Variants in BIN1 observed in about 807,000 individuals in gnomAD.
BIN1 encodes the protein bridging integrator 1.
Under a neutral mutation model 82.0 loss-of-function variants are expected in BIN1, and 53 were observed. The observed-to-expected ratio is 0.65, with a 90% confidence interval of 0.52 to 0.81. The LOEUF (loss-of-function observed/expected upper bound fraction) is 0.81, where lower values mean the gene tolerates loss of function less well. BIN1 is among the 40% of genes least tolerant of loss of function. The pLI is 0.00. For synonymous variants in BIN1, 302 were observed against 328.0 expected (o/e 0.92, Z 0.86); for missense variants, 642 against 784.4 (o/e 0.82, Z 2.17).
At chr2:127,069,771 G>T (rs536634532) in intron 5 of BIN1, among the ~76,000 whole-genome samples, 1 of 135,456 alleles carries the variant, frequency 7.4e-6, no homozygotes, top group Non-Finnish European at 1.6e-5. Context: ...CACACGTGCC[G>T]TGAGGCTTCC....
At position 127,068,145 on chromosome 2, in the gene BIN1, G is replaced by A. The variant is rs572040801; in HGVS notation, c.612+18C>T. On this transcript the variant is annotated intron_variant, in intron 7 of 18. Transcript: ENST00000316724. The surrounding 1 kb of genome is among the most constrained non-coding windows in gnomAD (Gnocchi z 4.9). Reference sequence around the variant, plus strand: ...ACCGGAAGGCGCCAGCACGTGCAAGGTTAGAAGCCAGTGTCACCTGATTTC... The same window carrying A: ...ACCGGAAGGCGCCAGCACGTGCAAGATTAGAAGCCAGTGTCACCTGATTTC... 1.2e-6 allele frequency: 2 copies of A among 1,610,610 alleles called. No individual in the cohort carries two copies. The highest frequency in any genetic ancestry group is 2.2e-5 in the South Asian group (2 of 90,508).
chr2:127,106,522 C>G (rs903709430), intron 1 of BIN1, among the ~76,000 whole-genome samples: 1 of 152,186 alleles, frequency 6.6e-6, no homozygotes, highest in African/African-American at 2.4e-5. Flanking sequence ...CCTCCCGGCC[C>G]TTGGCCTCCA....
chr2:127,088,774 G>T (rs1340220007), intron 1 of BIN1, among the ~76,000 whole-genome samples: 8 of 152,004 alleles, frequency 5.3e-5, no homozygotes, highest in Non-Finnish European at 1.0e-4. Context: ...CTGAAGGGCT[G>T]GGGGTGAGGG....
intron 1 of BIN1, among the ~76,000 whole-genome samples, chr2:127,094,760 C>G (rs1022997678): frequency 2.0e-5 from 3 of 152,240 alleles, no homozygotes; most frequent in Non-Finnish European, 2.9e-5. Flanking sequence ...CAGCTCCCCC[C>G]GCCCAGCCCT....
Position 127,082,307 on chromosome 2 carries a change from G to A in BIN1, c.85-5601C>T, listed in dbSNP as rs560687134. Among the ~76,000 whole-genome samples the A allele has an allele frequency of 1.1e-4, 16 of 152,322 alleles. No homozygotes were observed. The highest frequency in any genetic ancestry group is 3.8e-4 in the African/African-American group (16 of 41,580). On this transcript the variant is annotated intron_variant, in intron 1 of 18. Transcript: ENST00000316724. This position sits in a 1 kb window ranked among gnomAD's most constrained non-coding sequence, Gnocchi z 6.1. ...ATGATGACACAGGGCTGGCCTCGGG[G>A]ATCTTTCCGCCCTCATGCTCCAGGG...
chr2:127,081,062 C>T (rs1431950599), intron 1 of BIN1, among the ~76,000 whole-genome samples: 2 of 152,198 alleles, frequency 1.3e-5, no homozygotes, highest in Non-Finnish European at 1.5e-5. Flanking sequence ...TGGCGTCAGC[C>T]GCTCCCTGTG....
At position 127,059,189 on chromosome 2, in the gene BIN1, TG is replaced by T; in HGVS notation, c.858-35del. Reference sequence around the variant, plus strand: ...GAGGACAAGAAAGGGAGCCCAGTGTTGGGGGGCCAAGGCACAGGAGACGGAG... The same window carrying T: ...GAGGACAAGAAAGGGAGCCCAGTGTTGGGGGCCAAGGCACAGGAGACGGAG... On this transcript the variant is annotated intron_variant, in intron 10 of 18. Coordinates refer to ENST00000316724, the MANE Select transcript of BIN1 (RefSeq NM_139343.3). The surrounding 1 kb of genome is among the most constrained non-coding windows in gnomAD (Gnocchi z 6.7). 1.3e-6 allele frequency: 2 copies of T among 1,554,704 alleles called. No homozygotes were observed.
At chr2:127,087,168 A>C (rs1678281672) in intron 1 of BIN1, among the ~76,000 whole-genome samples, 1 of 152,186 alleles carries the variant, frequency 6.6e-6, no homozygotes, top group Non-Finnish European at 1.5e-5. Flanking sequence ...GATGGTCAAA[A>C]ACGAAAACAC....
chr2:127,059,680 G>A lies in BIN1; in HGVS notation c.858-525C>T, dbSNP rs943728291. ...CATGTCTCTAGACCTTGGCTCTCCT[G>A]TCCTCTCGGCTGCTGGAGGCCACAA... is the stretch of plus-strand genomic sequence containing the variant. On this transcript the variant is annotated intron_variant, in intron 10 of 18. Transcript: ENST00000316724. The surrounding 1 kb of genome is among the most constrained non-coding windows in gnomAD (Gnocchi z 6.7). Among the ~76,000 whole-genome samples the A allele has an allele frequency of 4.6e-5, 7 of 152,136 alleles. No homozygotes were observed. The highest frequency in any genetic ancestry group is 8.8e-5 in the Non-Finnish European group (6 of 68,030).
intron 1 of BIN1, among the ~76,000 whole-genome samples, chr2:127,086,279 TG>T (rs1265299491): frequency 6.6e-6 from 1 of 152,100 alleles, no homozygotes; most frequent in Admixed American, 6.5e-5. Flanking sequence ...ACACAGACAC[TG>T]GGGGGAGCGG....
chr2:127,094,602 G>T (rs960070576), intron 1 of BIN1, among the ~76,000 whole-genome samples: 1 of 152,200 alleles, frequency 6.6e-6, no homozygotes, highest in Non-Finnish European at 1.5e-5. Context: ...CACTGGAGTG[G>T]CGCGGAGCCG....
At chr2:127,073,031 C>T (rs147684236) in intron 2 of BIN1, among the ~76,000 whole-genome samples, 10 of 152,368 alleles carry the variant, frequency 6.6e-5, no homozygotes, top group Admixed American at 3.3e-4. Flanking sequence ...CACCTCCCCC[C>T]CACAGCAGGG....
intron 5 of BIN1, 99 bp downstream of exon 5, chr2:127,069,896 G>A (rs1685656448): frequency 1.5e-6 from 2 of 1,300,666 alleles, no homozygotes; most frequent in Non-Finnish European, 2.2e-6. Context: ...CTGCCTCCAG[G>A]ACAGCCTCCT....
chr2:127,069,177 C>G, intron 5 of BIN1, 146 bp from the exon 6 acceptor site: 1 of 729,738 alleles, frequency 1.4e-6, no homozygotes, highest in Admixed American at 2.3e-5. Context: ...GAACCCTCCT[C>G]GTGGCAGAGA....
chr2:127,100,890 C>T (rs1015307293), intron 1 of BIN1, among the ~76,000 whole-genome samples: 1 of 152,058 alleles, frequency 6.6e-6, no homozygotes, highest in Non-Finnish European at 1.5e-5. Flanking sequence ...CAGCACATTT[C>T]GATTTCGTCT....
At chr2:127,106,726 A>T in intron 1 of BIN1, 134 bp downstream of exon 1, 2 of 1,124,152 alleles carry the variant, frequency 1.8e-6, no homozygotes, top group South Asian at 1.6e-5. Flanking sequence ...AGCCCCTCGA[A>T]AGCGCTCCTC....
intron 13 of BIN1, 115 bp downstream of exon 13, chr2:127,053,789 AG>A: frequency 2.0e-6 from 2 of 1,005,458 alleles, no homozygotes; most frequent in African/African-American, 1.6e-5. Flanking sequence ...CTGAGGTGCC[AG>A]GGGAAGGGCA....
rs1383676437 is a variant in BIN1 at position 127,059,751 on chromosome 2, T to G, written c.858-596A>C. 6.6e-6 allele frequency among the ~76,000 whole-genome samples: 1 copy of G among 151,516 alleles called. No homozygotes were observed. Among genetic ancestry groups the G allele is most frequent in the Non-Finnish European group, 1.5e-5 (1 of 67,890 alleles). Reference sequence around the variant, plus strand: ...GAGAGGCGTCCTCATCACAGAGGAGTGGGCAGCTGGCGATGGAGGGGACAG... The same window carrying G: ...GAGAGGCGTCCTCATCACAGAGGAGGGGGCAGCTGGCGATGGAGGGGACAG... On this transcript the variant is annotated intron_variant, in intron 10 of 18. Coordinates refer to ENST00000316724, the MANE Select transcript of BIN1 (RefSeq NM_139343.3). This position sits in a 1 kb window ranked among gnomAD's most constrained non-coding sequence, Gnocchi z 6.7.
Position 127,050,956 on chromosome 2 carries a change from G to A in BIN1, c.1462-44C>T, listed in dbSNP as rs2043798. 0.33 allele frequency: 519,873 copies of A among 1,593,222 alleles called. 85,610 individuals carry two copies. Among genetic ancestry groups the A allele is most frequent in the South Asian group, 0.37 (33,229 of 90,696 alleles). On this transcript the variant is annotated intron_variant, in intron 16 of 18. Transcript: ENST00000316724. ...GTCAGCTGAGCAGGGAGGTGGTCCA[G>A]GGACAGCCAGGGCCACCGAGGAGAA...
Sources: gnomAD v4.1 joint callset for allele counts (sites outside exome capture counted in the v4.1 genomes callset) on GRCh38, gnomAD v4.1.1 for gene constraint, Gnocchi (gnomAD v3.1) non-coding constraint, MANE v1.5 for transcripts, NCBI Gene and HGNC (gene_info 2026-07-23, HGNC 2026-07-21) for gene names.